DNMT1: variants seen among roughly 807,000 people sequenced by gnomAD.
DNMT1 encodes the protein DNA methyltransferase 1.
In DNMT1, 24 loss-of-function variants were observed where a neutral mutation model predicts 205.3. That is an observed-to-expected ratio of 0.12 (90% CI 0.08 to 0.16). The LOEUF is 0.16. Among genes scored for constraint, DNMT1 ranks in the 10% least tolerant of loss-of-function variants. The pLI is 1.00. For synonymous variants in DNMT1, 817 were observed against 839.8 expected (o/e 0.97, Z 0.47); for missense variants, 1,293 against 2,177.7 (o/e 0.59, Z 8.09).
rs1426371744 is a variant in DNMT1, at chr19:10,133,988, G to A, written c.4864+229C>T. On this transcript the variant is annotated intron_variant, in intron 40 of 40. Transcript: ENST00000359526. The surrounding 1 kb of genome is among the most constrained non-coding windows in gnomAD (Gnocchi z 4.1). ...GGGAAACGGCCCCAGGGCCAGCCCA[G>A]CAGCCAACCTGACCAAAGGCCTGCT... 6.6e-6 allele frequency among the ~76,000 whole-genome samples: 1 copy of A among 152,204 alleles called. No individual in the cohort carries two copies. Among genetic ancestry groups the A allele is most frequent in the Admixed American group, 6.5e-5 (1 of 15,276 alleles).
chr19:10,190,793 AATAAAAT>A (rs1246913000), intron 1 of DNMT1, among the ~76,000 whole-genome samples: 1 of 148,082 alleles, frequency 6.8e-6, no homozygotes, highest in African/African-American at 2.5e-5. Context: ...AATAAAATAA[AATAAAAT>A]AAAATAAAAT....
At chr19:10,190,798 AATAAAAT>A (rs1281443949) in intron 1 of DNMT1, among the ~76,000 whole-genome samples, 9 of 114,358 alleles carry the variant, frequency 7.9e-5, no homozygotes, top group East Asian at 5.3e-4. Context: ...AATAAAATAA[AATAAAAT>A]AAAATAAAAT....
intron 27 of DNMT1, among the ~76,000 whole-genome samples, chr19:10,148,116 C>CAAAAAAAAAAAAAAAAAAAAAATAAAAA (rs2038240657): frequency 1.7e-5 from 1 of 59,296 alleles, no homozygotes; most frequent in Non-Finnish European, 3.1e-5. Flanking sequence ...AACTCTGTCT[C>CAAAAAAAAAAAAAAAAAAAAAATAAAAA]AAAAAAAAAA....
rs2038406947 is a variant in DNMT1 at position 10,154,189 on chromosome 19, G to C, written c.2019+104C>G. On this transcript the variant is annotated intron_variant, in intron 22 of 40. Transcript: ENST00000359526. The surrounding 1 kb of genome is among the most constrained non-coding windows in gnomAD (Gnocchi z 6.3). ...TTTCTGTCTCAGGGGTCACATTTGA[G>C]CAGCCAGAGTCTCAAGCCACAGAGA... is the stretch of plus-strand genomic sequence containing the variant. The C allele has an allele frequency of 2.4e-6, 3 of 1,230,682 alleles. No homozygotes were observed. In the East Asian group the frequency reaches 7.0e-5, roughly 29 times the overall value. 76.2% of individuals were successfully genotyped at this position (1,230,682 alleles called of 1,614,324 possible).
chr19:10,194,436 T>G, intron 1 of DNMT1: 6 of 162,476 alleles, frequency 3.7e-5, no homozygotes, highest in East Asian at 3.1e-4. Context: ...GCCCGAGGGG[T>G]GTCCGTTGGC....
intron 1 of DNMT1, among the ~76,000 whole-genome samples, chr19:10,193,800 A>G (rs925348517): frequency 1.3e-5 from 2 of 152,224 alleles, no homozygotes; most frequent in African/African-American, 4.8e-5. Context: ...AAAATGGCAA[A>G]GAGTGCTTTC....
At position 10,156,056 on chromosome 19, in the gene DNMT1, C is replaced by T; in HGVS notation, c.1400-111G>A. On this transcript the variant is annotated intron_variant, in intron 18 of 40. Transcript: ENST00000359526. The surrounding 1 kb of genome is among the most constrained non-coding windows in gnomAD (Gnocchi z 4.2). ...CCCATCAGCCAGGTCGGGTGCTCCT[C>T]AGTCATCACAATGACTTGGCCTACA... 1.8e-6 allele frequency: 2 copies of T among 1,101,178 alleles called. No homozygotes were observed. The highest frequency in any genetic ancestry group is 4.0e-5 in the Admixed American group (2 of 49,548). 68.2% of individuals were successfully genotyped at this position (1,101,178 alleles called of 1,614,324 possible).
At chr19:10,136,495 G>T (rs2089486170) in intron 37 of DNMT1, among the ~76,000 whole-genome samples, 1 of 152,190 alleles carries the variant, frequency 6.6e-6, no homozygotes. Flanking sequence ...GAGTGCAATG[G>T]CATGATCTTG....
In DNMT1 at chr19:10,156,412, C is replaced by G. The variant is rs1403539644; in HGVS notation, c.1378G>C (p.Asp460His). Residue 460 changes from aspartate (D) to histidine (H), a missense_variant, in exon 18 of 41, where the codon GAT (aspartate) becomes CAT (histidine). Transcript: ENST00000359526. This position sits in a 1 kb window ranked among gnomAD's most constrained non-coding sequence, Gnocchi z 4.2. ...TTACCTTCAAGAGATGGGTCATCAT[C>G]ATAGATTGGTTTTGCTGAACCAGAA... is the stretch of plus-strand genomic sequence containing the variant. ...FFSGSAKPIY[D>H]DDPSLEGGVN... is the part of the protein sequence containing the mutation. The G allele has an allele frequency of 6.2e-7, 1 of 1,611,680 alleles. No homozygotes were observed. Among genetic ancestry groups the G allele is most frequent in the Non-Finnish European group, 8.5e-7 (1 of 1,178,534 alleles).
intron 1 of DNMT1, among the ~76,000 whole-genome samples, chr19:10,183,599 G>T (rs12609071): frequency 0.13 from 20,283 of 152,068 alleles, 1,953 homozygotes; most frequent in East Asian, 0.4. Flanking sequence ...CTGATGCCTG[G>T]AATCCCAACA....
At chr19:10,179,462 G>A (rs2039000672) in intron 5 of DNMT1, among the ~76,000 whole-genome samples, 1 of 151,976 alleles carries the variant, frequency 6.6e-6, no homozygotes, top group Admixed American at 6.6e-5. Flanking sequence ...TCGAACTCCT[G>A]ACCTCAGGTG....
At position 10,143,807 on chromosome 19, in the gene DNMT1, G is replaced by A; in HGVS notation, c.3075C>T (p.Pro1025=). The A allele has an allele frequency of 6.2e-7, 1 of 1,614,134 alleles. No homozygotes were observed. The highest frequency in any genetic ancestry group is 8.5e-7 in the Non-Finnish European group (1 of 1,180,038). ...IFCPKKSNGR[P]NETDIKIRVN... is the part of the protein sequence containing the mutation. ...CCCGGATTTTGATGTCAGTCTCATT[G>A]GGCCTGCCGTTGCTCTTCTTGGGAC... The change falls in exon 29 of 41, where the codon CCC becomes CCT. Residue 1025 remains proline, a synonymous_variant. Transcript: ENST00000359526.
In DNMT1 at chr19:10,149,602, A is replaced by G; in HGVS notation, c.2437T>C (p.Phe813Leu). The G allele has an allele frequency of 6.2e-7, 1 of 1,614,014 alleles. No homozygotes were observed. The highest frequency in any genetic ancestry group is 8.5e-7 in the Non-Finnish European group (1 of 1,179,994). ...SNGQMFHAHW[F>L]CAGTDTVLGA... ...AGGACTGTGTCTGTCCCAGCGCAGA[A>G]CCAGTGGGCGTGAAACATCTGCCCG... Residue 813 changes from phenylalanine (F) to leucine (L), a missense_variant, in exon 26 of 41, where the codon TTC becomes CTC. Around this residue, in one of 13 missense-constraint regions of DNMT1, gnomAD observed 197 missense variants for 353.6 expected, o/e 0.56. Coordinates refer to ENST00000359526, the MANE Select transcript of DNMT1 (RefSeq NM_001130823.3).
intron 28 of DNMT1, chr19:10,144,273 T>C: frequency 2.5e-6 from 1 of 394,320 alleles, no homozygotes; most frequent in Non-Finnish European, 4.9e-6. Context: ...CCGGGTGTGG[T>C]GGTACATGCC....
At chr19:10,136,878 T>C (rs910717660) in intron 37 of DNMT1, among the ~76,000 whole-genome samples, 7 of 152,106 alleles carry the variant, frequency 4.6e-5, no homozygotes, top group African/African-American at 1.7e-4. Context: ...CCTCCCGCCT[T>C]GGTTTCCCAA....
rs2039372731 is a variant in DNMT1, at chr19:10,194,773, C to A, written c.80+47G>T. Reference sequence around the variant, plus strand: ...CGAGGGGAAGCGACCCCCCACCCAGCGCCCTGCCTGTCCCCCTGAGTCCGT... The same window carrying A: ...CGAGGGGAAGCGACCCCCCACCCAGAGCCCTGCCTGTCCCCCTGAGTCCGT... On this transcript the variant is annotated intron_variant, in intron 1 of 40. Transcript: ENST00000359526. The A allele has an allele frequency of 3.2e-6, 5 of 1,571,066 alleles. No homozygotes were observed. The East Asian group carries it at 1.2e-4, about 38-fold the overall frequency.
intron 1 of DNMT1, among the ~76,000 whole-genome samples, chr19:10,193,665 C>CAAAAAAAAAAAAAAAA (rs35583463): frequency 9.4e-6 from 1 of 106,118 alleles, no homozygotes. Context: ...ACCCAGCCTT[C>CAAAAAAAAAAAAAAAA]AAAAAAAAAA....
At chr19:10,176,289 G>A (rs948750986) in intron 6 of DNMT1, among the ~76,000 whole-genome samples, 4 of 152,146 alleles carry the variant, frequency 2.6e-5, no homozygotes, top group Admixed American at 2.6e-4. Flanking sequence ...GGATGCAATC[G>A]GCCCAATCTA....
At position 10,141,088 on chromosome 19, in the gene DNMT1, C is replaced by T; in HGVS notation, c.3394+17G>A. Reference sequence around the variant, plus strand: ...TACAGAAGAATAACTTGAAAAGAAACTCATACAATGACGTACCTTTTCCCT... The same window carrying T: ...TACAGAAGAATAACTTGAAAAGAAATTCATACAATGACGTACCTTTTCCCT... On this transcript the variant is annotated intron_variant, in intron 31 of 40. Coordinates refer to ENST00000359526, the MANE Select transcript of DNMT1 (RefSeq NM_001130823.3). 6.2e-7 allele frequency: 1 copy of T among 1,614,030 alleles called. No homozygotes were observed. The highest frequency in any genetic ancestry group is 8.5e-7 in the Non-Finnish European group (1 of 1,179,974).
Sources: allele counts gnomAD v4.1 joint callset (sites outside exome capture counted in the v4.1 genomes callset), GRCh38; gene constraint gnomAD v4.1.1; regional missense constraint gnomAD v4.1.1; non-coding constraint Gnocchi (gnomAD v3.1); transcripts MANE v1.5; gene names NCBI Gene and HGNC (gene_info 2026-07-23, HGNC 2026-07-21).